The following PTPRB variants were observed in gnomAD, a reference collection of about 807,000 sequenced individuals.
PTPRB encodes receptor-type tyrosine-protein phosphatase beta.
Under a neutral mutation model 238.1 loss-of-function variants are expected in PTPRB, and 97 were observed. The observed-to-expected ratio is 0.41, with a 90% CI of 0.35 to 0.48. The LOEUF (loss-of-function observed/expected upper bound fraction) is 0.48, where lower values mean the gene tolerates loss of function less well. Among genes scored for constraint, PTPRB ranks in the 20% least tolerant of loss-of-function variants. PTPRB has a pLI of 0.30. For synonymous variants in PTPRB, 970 were observed against 995.4 expected, an observed-to-expected ratio of 0.97 and a Z score of 0.48; for missense variants, 2,292 against 2,681.9, an observed-to-expected ratio of 0.85 and a Z score of 3.21.
chr12:70,548,764 T>C (rs1876461803), intron 21 of PTPRB, among the ~76,000 whole-genome samples: 1 of 152,184 alleles, frequency 6.6e-6, no homozygotes, highest in South Asian at 2.1e-4. Context: ...CGTCCTATCA[T>C]CCCAGTCTAC....
chr12:70,571,932 C>T lies in PTPRB; in HGVS notation c.2998G>A (p.Glu1000Lys). The change falls in exon 12 of 34, where the codon GAA becomes AAA. Residue 1000 changes from glutamate (E) to lysine (K), a missense_variant. Physicochemically the swap from Glu to Lys is moderately conservative, Grantham distance 56. Coordinates refer to ENST00000334414, the MANE Select transcript of PTPRB (RefSeq NM_001109754.4). ...AGCTGAACAAATACACATTCGTTTTCTGACTTGGGAATGCTTTTAGTTTGA... is the reference window on the plus strand; with the variant it reads ...AGCTGAACAAATACACATTCGTTTTTTGACTTGGGAATGCTTTTAGTTTGA... ...FIQTKSIPKS[E>K]NECVFVQLVP... The T allele has an allele frequency of 6.2e-7, 1 of 1,613,954 alleles. No individual in the cohort carries two copies. The highest frequency in any genetic ancestry group is 8.5e-7 in the Non-Finnish European group (1 of 1,179,878).
At chr12:70,538,287 A>G (rs1446371994) in intron 27 of PTPRB, 56 bp from the exon 28 acceptor site, 5 of 1,412,648 alleles carry the variant, frequency 3.5e-6, no homozygotes, top group Non-Finnish European at 4.9e-6. Context: ...AGTTTATGTG[A>G]TGTGTGTGAT....
chr12:70,522,765 A>G (rs1010157690), intron 33 of PTPRB: 1 of 151,898 alleles, frequency 6.6e-6, no homozygotes, highest in African/African-American at 2.4e-5. Context: ...TATTTTCTCC[A>G]GTCTTTTTCC....
At chr12:70,634,674 G>A (rs2136616518) in intron 2 of PTPRB, among the ~76,000 whole-genome samples, 1 of 152,204 alleles carries the variant, frequency 6.6e-6, no homozygotes, top group South Asian at 2.1e-4. Context: ...CAAGCATTTG[G>A]GAACCTCTGG....
chr12:70,543,998 C>T (rs1875573082), intron 22 of PTPRB, among the ~76,000 whole-genome samples: 1 of 152,174 alleles, frequency 6.6e-6, no homozygotes, highest in Non-Finnish European at 1.5e-5. Context: ...ACTATTATTA[C>T]TCAGGCTTTC....
intron 10 of PTPRB, among the ~76,000 whole-genome samples, chr12:70,580,818 C>CAA (rs367612705): frequency 1.9e-4 from 21 of 108,114 alleles, no homozygotes; most frequent in African/African-American, 2.9e-4. Flanking sequence ...AATTCCGTCT[C>CAA]AAAAAAAAAA....
chr12:70,588,213 C>A (rs1882135931), intron 8 of PTPRB, among the ~76,000 whole-genome samples: 1 of 151,986 alleles, frequency 6.6e-6, no homozygotes. Context: ...CATAAATTTT[C>A]TATAAATCCA....
Position 70,609,211 on chromosome 12 carries a change from G to C in PTPRB, c.837C>G (p.Asp279Glu). ...TAGGGCACAACGCGGCCCCCAGGGT[G>C]TCACTGCTATAGATGAGGCTAAAGT... ...PCNFSLIYSS[D>E]TLGAALCPTF... is the part of the protein sequence containing the mutation. Residue 279 changes from aspartate to glutamate, a missense_variant, in exon 4 of 34, where the codon GAC becomes GAG. Coordinates refer to ENST00000334414, the MANE Select transcript of PTPRB (RefSeq NM_001109754.4). 6.2e-7 allele frequency: 1 copy of C among 1,614,052 alleles called. No homozygotes were observed. Among genetic ancestry groups the C allele is most frequent in the Non-Finnish European group, 8.5e-7 (1 of 1,179,906 alleles).
At chr12:70,524,913 GTA>G (rs1455280460) in intron 32 of PTPRB, among the ~76,000 whole-genome samples, 1 of 147,504 alleles carries the variant, frequency 6.8e-6, no homozygotes, top group African/African-American at 2.6e-5. Flanking sequence ...GTGTATATAT[GTA>G]TGTATATATG....
intron 24 of PTPRB, 26 bp from the exon 25 acceptor site, chr12:70,539,870 G>A (rs374094462): frequency 3.8e-6 from 6 of 1,574,698 alleles, no homozygotes; most frequent in Non-Finnish European, 5.2e-6. Context: ...AAAAGAGGAA[G>A]ACTTTGTTAG....
chr12:70,563,218 C>G, intron 15 of PTPRB, 111 bp from the exon 16 acceptor site: 2 of 1,092,086 alleles, frequency 1.8e-6, no homozygotes, highest in East Asian at 2.6e-5. Flanking sequence ...TTCAGTGATA[C>G]GGGAAACAGT....
At chr12:70,528,550 C>T (rs969878573) in intron 32 of PTPRB, among the ~76,000 whole-genome samples, 2 of 152,086 alleles carry the variant, frequency 1.3e-5, no homozygotes, top group African/African-American at 4.8e-5. Context: ...TTCGTGACTG[C>T]TTGGATGTGG....
Position 70,566,618 on chromosome 12 carries a change from C to G in PTPRB, c.3721G>C (p.Ala1241Pro). 1 of 1,613,956 alleles carries G rather than the reference C, an allele frequency of 6.2e-7. No homozygotes were observed. The highest frequency in any genetic ancestry group is 8.5e-7 in the Non-Finnish European group (1 of 1,179,888). The change falls in exon 15 of 34, where the codon GCA becomes CCA. Residue 1241 changes from alanine to proline, a missense_variant. Ala to Pro is a conservative substitution (Grantham distance 27). This residue lies in a region of PTPRB where 683 missense variants were observed against 862.0 expected (regional missense o/e 0.79). Coordinates refer to ENST00000334414, the MANE Select transcript of PTPRB (RefSeq NM_001109754.4). ...IVSWQKAAGV[A>P]ERYDILLLTE... Reference sequence around the variant, plus strand: ...AGAAGCAGGATATCATATCTTTCTGCCACACCAGCAGCTTTTTGCCAACTT... The same window carrying G: ...AGAAGCAGGATATCATATCTTTCTGGCACACCAGCAGCTTTTTGCCAACTT...
At position 70,590,115 on chromosome 12, in the gene PTPRB, A is replaced by C. The variant is rs2165627; in HGVS notation, c.1899T>G (p.Asp633Glu). Residue 633 changes from aspartate to glutamate, a missense_variant, in exon 8 of 34, where the codon GAT (aspartate) becomes GAG (glutamate). Asp to Glu is a conservative substitution (Grantham distance 45). Coordinates refer to ENST00000334414, the MANE Select transcript of PTPRB (RefSeq NM_001109754.4). Reference sequence around the variant, plus strand: ...CAGTGATGTTGAGCAGCACCACAGAATCATTGAAGAGTAGGATCCGATACT... The same window carrying C: ...CAGTGATGTTGAGCAGCACCACAGACTCATTGAAGAGTAGGATCCGATACT... ...WEQYRILLFN[D>E]SVVLLNITVG... 0.12 allele frequency: 199,322 copies of C among 1,613,636 alleles called. 13,299 individuals are homozygous for C. The highest frequency in any genetic ancestry group is 0.16 in the Middle Eastern group (958 of 6,062).
rs1053647291 is a variant in PTPRB, at chr12:70,515,905, G to A, written c.*5584C>T. Reference sequence around the variant, plus strand: ...TGCAGTTTTATTCCTGTACTAGTGAGAATGTATGCAAGATGCTATATAGAT... The same window carrying A: ...TGCAGTTTTATTCCTGTACTAGTGAAAATGTATGCAAGATGCTATATAGAT... On this transcript the variant is annotated 3_prime_UTR_variant, in exon 34 of 34. Coordinates refer to ENST00000334414, the MANE Select transcript of PTPRB (RefSeq NM_001109754.4). 1 of 149,686 alleles carries A rather than the reference G, an allele frequency of 6.7e-6. No homozygotes were observed. The highest frequency in any genetic ancestry group is 2.5e-5 in the African/African-American group (1 of 40,398). The allele number at this position is 149,686 out of a possible 1,614,324, so 9.3% of individuals were successfully genotyped here.
chr12:70,575,323 A>G (rs1450114316), intron 11 of PTPRB, among the ~76,000 whole-genome samples: 1 of 152,196 alleles, frequency 6.6e-6, no homozygotes. Context: ...ATCCTGTAAC[A>G]ATATAAATCA....
intron 4 of PTPRB, among the ~76,000 whole-genome samples, chr12:70,601,014 C>A (rs1883431916): frequency 6.6e-6 from 1 of 152,044 alleles, no homozygotes; most frequent in African/African-American, 2.4e-5. Context: ...ATTACAGGCG[C>A]CTGCCACCAC....
chr12:70,552,821 C>A lies in PTPRB; in HGVS notation c.5343G>T (p.Gln1781His), dbSNP rs1233712036. The A allele has an allele frequency of 1.9e-6, 3 of 1,613,994 alleles. No homozygotes were observed. The highest frequency in any genetic ancestry group is 2.5e-6 in the Non-Finnish European group (3 of 1,179,874). ...TCAGTGGTCCATCACAGAATTTTTG[C>A]TGAGTGGGATCGCATTTTCCACCTA... ...ESLGGKCDPT[Q>H]QKFCDGPLKP... is the part of the protein sequence containing the mutation. The change falls in exon 21 of 34, where the codon CAG becomes CAT. Residue 1781 changes from glutamine (Q) to histidine (H), a missense_variant. By Grantham distance (24) the Gln-to-His change is conservative. This residue lies in a region of PTPRB where 683 missense variants were observed against 862.0 expected (regional missense o/e 0.79). Transcript: ENST00000334414.
At chr12:70,617,893 C>T (rs181436101) in intron 3 of PTPRB, among the ~76,000 whole-genome samples, 119 of 152,292 alleles carry the variant, frequency 7.8e-4, no homozygotes, top group African/African-American at 2.7e-3. Flanking sequence ...TTAGCAGTAT[C>T]AGAACCAGCC....
Sources: allele counts gnomAD v4.1 joint callset (sites outside exome capture counted in the v4.1 genomes callset), GRCh38; gene constraint gnomAD v4.1.1; regional missense constraint gnomAD v4.1.1; transcripts MANE v1.5; gene names NCBI Gene and HGNC (gene_info 2026-07-23, HGNC 2026-07-21).